Variants in VANGL1 observed in about 807,000 individuals in gnomAD.
VANGL1 encodes the protein VANGL planar cell polarity protein 1.
In VANGL1, 18 loss-of-function variants were observed where a neutral mutation model predicts 48.4. The ratio of observed to expected loss-of-function variants is 0.37; its 90% confidence interval spans 0.26 to 0.55. The LOEUF (loss-of-function observed/expected upper bound fraction) is 0.55, where lower values mean the gene tolerates loss of function less well. Among genes scored for constraint, VANGL1 ranks in the 20% least tolerant of loss-of-function variants. The probability of loss-of-function intolerance (pLI) is 0.81; values close to 1 mark genes in which losing one functional copy is unlikely to be tolerated. For synonymous variants in VANGL1, 257 were observed against 261.8 expected (o/e 0.98, Z 0.18); for missense variants, 667 against 675.8 (o/e 0.99, Z 0.14).
At chr1:115,651,910 C>T (rs1244060452) in intron 2 of VANGL1, among the ~76,000 whole-genome samples, 1 of 152,174 alleles carries the variant, frequency 6.6e-6, no homozygotes, top group Non-Finnish European at 1.5e-5. Flanking sequence ...GCGCCCACCA[C>T]CACGCCTGGC....
At chr1:115,672,433 G>A (rs1276703236) in intron 4 of VANGL1, among the ~76,000 whole-genome samples, 1 of 152,148 alleles carries the variant, frequency 6.6e-6, no homozygotes, top group African/African-American at 2.4e-5. Context: ...GTGAATCCAG[G>A]TGGCCCGAGG....
chr1:115,677,889 A>G (rs1653226942), intron 4 of VANGL1, among the ~76,000 whole-genome samples: 1 of 152,142 alleles, frequency 6.6e-6, no homozygotes. Flanking sequence ...TGCCTCCCAC[A>G]TTTCCCCAAG....
intron 2 of VANGL1, among the ~76,000 whole-genome samples, chr1:115,659,210 A>C (rs1049277597): frequency 1.2e-4 from 18 of 151,960 alleles, no homozygotes; most frequent in African/African-American, 1.2e-4. Context: ...AAAAAAATAG[A>C]TATTTTTTTG....
chr1:115,648,253 T>C (rs921872391), intron 1 of VANGL1, among the ~76,000 whole-genome samples: 5 of 152,076 alleles, frequency 3.3e-5, no homozygotes, highest in African/African-American at 1.2e-4. Context: ...TAAAAAGCAC[T>C]GGGGGAGGAG....
chr1:115,661,804 G>A (rs1366390800), intron 3 of VANGL1, among the ~76,000 whole-genome samples: 1 of 152,124 alleles, frequency 6.6e-6, no homozygotes, highest in Non-Finnish European at 1.5e-5. Flanking sequence ...TTTCAGTAGA[G>A]ATGGGCTTTC....
intron 1 of VANGL1, among the ~76,000 whole-genome samples, chr1:115,650,676 C>A (rs1652105366): frequency 6.6e-6 from 1 of 151,592 alleles, no homozygotes; most frequent in Non-Finnish European, 1.5e-5. Flanking sequence ...GTGGATGAAC[C>A]ATGTTTTCCT....
At position 115,676,140 on chromosome 1, in the gene VANGL1, T is replaced by A. The variant is rs551038383; in HGVS notation, c.813-6224T>A. Among the ~76,000 whole-genome samples, 3 of 152,248 alleles carry A rather than the reference T, an allele frequency of 2.0e-5. No homozygotes were observed. The South Asian group carries it at 6.2e-4, about 32-fold the overall frequency. Reference sequence around the variant, plus strand: ...CAACAACCACATGCAGTGGTTGGTGTTATCTCTTTATCAAAAGCCAAGAAA... The same window carrying A: ...CAACAACCACATGCAGTGGTTGGTGATATCTCTTTATCAAAAGCCAAGAAA... On this transcript the variant is annotated intron_variant, in intron 4 of 7. Coordinates refer to ENST00000355485, the MANE Select transcript of VANGL1 (RefSeq NM_138959.3).
chr1:115,662,728 G>A (rs1652608228), intron 3 of VANGL1, among the ~76,000 whole-genome samples: 1 of 151,632 alleles, frequency 6.6e-6, no homozygotes. Flanking sequence ...GAGAAATATT[G>A]TTAAAGAGTG....
In VANGL1 at chr1:115,694,029, C is replaced by A. The variant is rs1329819413; in HGVS notation, c.*2650C>A. 6.6e-6 allele frequency: 1 copy of A among 152,050 alleles called. No homozygotes were observed. The highest frequency in any genetic ancestry group is 1.5e-5 in the Non-Finnish European group (1 of 68,004). The allele number at this position is 152,050 out of a possible 1,614,324, so 9.4% of individuals were successfully genotyped here. On this transcript the variant is annotated 3_prime_UTR_variant, in exon 8 of 8. Coordinates refer to ENST00000355485, the MANE Select transcript of VANGL1 (RefSeq NM_138959.3). ...GTCTATATCTGAGATTGCTCTCTTC[C>A]CTGGTGATGTTTTAACTGGTAGATA...
At chr1:115,676,668 G>A (rs1489907861) in intron 4 of VANGL1, among the ~76,000 whole-genome samples, 1 of 152,182 alleles carries the variant, frequency 6.6e-6, no homozygotes, top group Non-Finnish European at 1.5e-5. Flanking sequence ...TAGCTTTGAA[G>A]TCTCATAATG....
rs760677741 is a variant in VANGL1, at chr1:115,659,711, A to C, written c.142A>C (p.Ile48Leu). ...DGRGSEKSVT[I>L]QPPTGEPLLG... is the part of the protein sequence containing the mutation. ...CAGAGGGTCAGAAAAGTCTGTCACC[A>C]TTCAACCTCCCACTGGAGAGCCCCT... The change falls in exon 3 of 8, where the codon ATT (isoleucine) becomes CTT (leucine). Residue 48 changes from isoleucine to leucine, a missense_variant. Ile to Leu is a conservative substitution (Grantham distance 5). Coordinates refer to ENST00000355485, the MANE Select transcript of VANGL1 (RefSeq NM_138959.3). 6.2e-7 allele frequency: 1 copy of C among 1,614,194 alleles called. No homozygotes were observed. Among genetic ancestry groups the C allele is most frequent in the Non-Finnish European group, 8.5e-7 (1 of 1,180,030 alleles).
chr1:115,643,489 T>G (rs1238217601), intron 1 of VANGL1, among the ~76,000 whole-genome samples: 1 of 152,218 alleles, frequency 6.6e-6, no homozygotes, highest in East Asian at 1.9e-4. Context: ...TTTTTCCAGT[T>G]CAAAGAAATA....
In VANGL1 at chr1:115,692,164, C is replaced by T. The variant is rs1373269564; in HGVS notation, c.*785C>T. The T allele has an allele frequency of 1.3e-5, 2 of 152,668 alleles. No individual in the cohort carries two copies. The highest frequency in any genetic ancestry group is 2.4e-5 in the African/African-American group (1 of 41,434). The allele number at this position is 152,668 out of a possible 1,614,324, so 9.5% of individuals were successfully genotyped here. On this transcript the variant is annotated 3_prime_UTR_variant, in exon 8 of 8. Coordinates refer to ENST00000355485, the MANE Select transcript of VANGL1 (RefSeq NM_138959.3). ...CTCTGTGTGAAGCCTCAAGTCAGTC[C>T]CAGCATTGTTTCCATAGGGAAGTGT...
At chr1:115,683,625 G>T (rs1653474068) in intron 5 of VANGL1, among the ~76,000 whole-genome samples, 1 of 152,144 alleles carries the variant, frequency 6.6e-6, no homozygotes, top group Non-Finnish European at 1.5e-5. Context: ...GTAACAGATG[G>T]TAACATCTTC....
At chr1:115,681,447 G>A (rs1653379027) in intron 4 of VANGL1, among the ~76,000 whole-genome samples, 1 of 151,846 alleles carries the variant, frequency 6.6e-6, no homozygotes, top group South Asian at 2.1e-4. Context: ...CACTCCAAGG[G>A]GCAGGGGGAC....
At chr1:115,682,132 G>A (rs1653417368) in intron 4 of VANGL1, among the ~76,000 whole-genome samples, 2 of 152,232 alleles carry the variant, frequency 1.3e-5, no homozygotes, top group South Asian at 4.1e-4. Context: ...TAGATGGGAT[G>A]TGGCTAATCA....
intron 3 of VANGL1, among the ~76,000 whole-genome samples, chr1:115,661,407 T>A (rs1652539837): frequency 6.6e-6 from 1 of 152,002 alleles, no homozygotes; most frequent in South Asian, 2.1e-4. Flanking sequence ...TTTTGCCTGT[T>A]TTTGAATTTA....
chr1:115,688,088 C>A lies in VANGL1; in HGVS notation c.1314+2561C>A, dbSNP rs535079715. On this transcript the variant is annotated intron_variant, in intron 7 of 7. Transcript: ENST00000355485. ...ATAGATAGAGATTTACATACTACAT[C>A]TCTCTATACAATGTATATTATCTTT... Among the ~76,000 whole-genome samples, 64 of 137,268 alleles carry A rather than the reference C, an allele frequency of 4.7e-4. 16 individuals are homozygous for A. The South Asian group carries it at 0.014, about 31-fold the overall frequency. The allele number at this position is 137,268 out of a possible 152,430, so 90.1% of individuals were successfully genotyped here.
rs532678140 is a variant in VANGL1, at chr1:115,651,598, A to G, written c.71+114A>G. On this transcript the variant is annotated intron_variant, in intron 2 of 7. Coordinates refer to ENST00000355485, the MANE Select transcript of VANGL1 (RefSeq NM_138959.3). ...CGCTGGACATTTGGTCGGTTGGTGC[A>G]TGAGAAGCTGAGCTTTAAGAGCATT... 3.8e-4 allele frequency: 329 copies of G among 876,380 alleles called. 2 individuals are homozygous for G. Among genetic ancestry groups the G allele is most frequent in the South Asian group, 3.6e-3 (255 of 71,218 alleles). 54.3% of individuals were successfully genotyped at this position (876,380 alleles called of 1,614,324 possible). A position where few individuals can be genotyped will look rare whatever the true frequency, so the allele number is the denominator to read the frequency against.
Sources: allele counts gnomAD v4.1 joint callset (sites outside exome capture counted in the v4.1 genomes callset), GRCh38; gene constraint gnomAD v4.1.1; transcripts MANE v1.5; gene names NCBI Gene and HGNC (gene_info 2026-07-23, HGNC 2026-07-21).